The following PTPRN2 variants were observed in gnomAD, a reference collection of about 807,000 sequenced individuals.
PTPRN2 encodes receptor-type tyrosine-protein phosphatase N2.
PTPRN2 carries 74 observed loss-of-function variants against 118.8 expected under a neutral mutation model. The observed-to-expected ratio is 0.62, with a 90% CI of 0.52 to 0.76. The LOEUF (loss-of-function observed/expected upper bound fraction) is 0.76, where lower values mean the gene tolerates loss of function less well. Ranked by LOEUF, PTPRN2 falls within the 30% of genes least tolerant of loss-of-function variation. The pLI is 0.00. For synonymous variants in PTPRN2, 641 were observed against 608.0 expected (o/e 1.05, Z -0.80); for missense variants, 1,481 against 1,394.4 (o/e 1.06, Z -0.99).
intron 2 of PTPRN2, among the ~76,000 whole-genome samples, chr7:158,374,088 T>C (rs772632282): frequency 2.0e-5 from 3 of 152,174 alleles, no homozygotes; most frequent in Non-Finnish European, 4.4e-5. Flanking sequence ...AGCGGGCCCT[T>C]CTGACCCTCG....
At chr7:158,098,982 TCCCGGCTGCCTCCCCTTCCTCCC>T (rs1336076269) in intron 10 of PTPRN2, among the ~76,000 whole-genome samples, 1 of 34,664 alleles carries the variant, frequency 2.9e-5, no homozygotes, top group African/African-American at 8.0e-5. Flanking sequence ...GGGTTCCGCA[TCCCGGCTGCCTCCCCTTCCTCCC>T]CCAACACATC....
intron 3 of PTPRN2, among the ~76,000 whole-genome samples, chr7:158,212,090 T>A (rs142078424): frequency 6.6e-6 from 1 of 152,334 alleles, no homozygotes; most frequent in African/African-American, 2.4e-5. Context: ...AAAATCATTA[T>A]GTTAAGTGAA....
At chr7:157,668,280 T>G (rs78225407) in intron 13 of PTPRN2, among the ~76,000 whole-genome samples, 1,815 of 152,326 alleles carry the variant, frequency 0.012, 36 homozygotes, top group African/African-American at 0.042. Flanking sequence ...ACTCAGCATC[T>G]GATGGAGAAA....
At chr7:158,469,963 A>C (rs916519976) in intron 2 of PTPRN2, among the ~76,000 whole-genome samples, 7 of 151,888 alleles carry the variant, frequency 4.6e-5, no homozygotes, top group African/African-American at 7.3e-5. Context: ...GTCCTAGTGC[A>C]TCATAAAAGA....
intron 2 of PTPRN2, among the ~76,000 whole-genome samples, chr7:158,369,951 G>A (rs1809831302): frequency 6.6e-6 from 1 of 152,224 alleles, no homozygotes; most frequent in African/African-American, 2.4e-5. Flanking sequence ...GGACAGTGTG[G>A]TCTCAGCGGG....
intron 11 of PTPRN2, among the ~76,000 whole-genome samples, chr7:158,054,460 A>G (rs1809627093): frequency 6.6e-6 from 1 of 152,148 alleles, no homozygotes; most frequent in Non-Finnish European, 1.5e-5. Context: ...AAAAACACAC[A>G]TTTACCGGCT....
intron 5 of PTPRN2, among the ~76,000 whole-genome samples, chr7:158,182,587 T>A (rs986320839): frequency 1.3e-5 from 2 of 152,188 alleles, no homozygotes; most frequent in Non-Finnish European, 2.9e-5. Context: ...GATTTTCTGT[T>A]CCTGTGTTAG....
At position 157,576,784 on chromosome 7, in the gene PTPRN2, CAGGG is replaced by C. The variant is rs1181959796; in HGVS notation, c.2617-9_2617-6del. On this transcript the variant is annotated splice_region_variant and splice_polypyrimidine_tract_variant and intron_variant, in intron 18 of 22. Coordinates refer to ENST00000389418, the MANE Select transcript of PTPRN2 (RefSeq NM_002847.5). ...GTGCTCGGAGACCAGGTTCACCTGG[CAGGG>C]AGGAGCGGAGGGAGGGGACAGAGAC... is the stretch of plus-strand genomic sequence containing the variant. 6.3e-7 allele frequency: 1 copy of C among 1,593,702 alleles called. No individual in the cohort carries two copies. Among genetic ancestry groups the C allele is most frequent in the African/African-American group, 1.3e-5 (1 of 74,490 alleles).
chr7:157,759,702 C>T (rs890591032), intron 12 of PTPRN2, among the ~76,000 whole-genome samples: 2 of 152,210 alleles, frequency 1.3e-5, no homozygotes, highest in Admixed American at 6.5e-5. Flanking sequence ...GTTCTGGACT[C>T]ATGACTTTGA....
chr7:157,879,056 G>A (rs192668333), intron 12 of PTPRN2, among the ~76,000 whole-genome samples: 1 of 144,816 alleles, frequency 6.9e-6, no homozygotes, highest in East Asian at 2.1e-4. Context: ...ACTCACCGAG[G>A]AGCTCTCTCA....
At chr7:158,522,977 G>A (rs1266820857) in intron 1 of PTPRN2, among the ~76,000 whole-genome samples, 1 of 152,194 alleles carries the variant, frequency 6.6e-6, no homozygotes, top group Non-Finnish European at 1.5e-5. Flanking sequence ...ACCCAAAAAT[G>A]GGAATTTCAA....
intron 2 of PTPRN2, among the ~76,000 whole-genome samples, chr7:158,488,070 T>A (rs754983556): frequency 1.3e-5 from 2 of 152,092 alleles, no homozygotes; most frequent in Non-Finnish European, 2.9e-5. Context: ...CCGGCCTTTG[T>A]CAAGGAGCCG....
intron 11 of PTPRN2, among the ~76,000 whole-genome samples, chr7:158,019,686 G>A (rs1252536862): frequency 6.6e-6 from 1 of 152,248 alleles, no homozygotes; most frequent in East Asian, 1.9e-4. Context: ...AGTGTTCAGT[G>A]GAAGATGGTG....
At chr7:158,302,285 G>A (rs1800949504) in intron 3 of PTPRN2, among the ~76,000 whole-genome samples, 1 of 152,182 alleles carries the variant, frequency 6.6e-6, no homozygotes, top group African/African-American at 2.4e-5. Flanking sequence ...CAAGGGAACA[G>A]CCACTCCCTA....
At chr7:157,718,457 C>T (rs1316649688) in intron 12 of PTPRN2, among the ~76,000 whole-genome samples, 1 of 152,190 alleles carries the variant, frequency 6.6e-6, no homozygotes, top group East Asian at 1.9e-4. Context: ...TTGGAGAGCG[C>T]CTTCCTCCTC....
chr7:158,283,140 C>T (rs949824181), intron 3 of PTPRN2, among the ~76,000 whole-genome samples: 8 of 152,198 alleles, frequency 5.3e-5, no homozygotes, highest in African/African-American at 1.4e-4. Flanking sequence ...ACGCATTCGA[C>T]AACACGCATG....
chr7:157,549,156 G>T, intron 21 of PTPRN2, 137 bp from the exon 22 acceptor site: 1 of 781,900 alleles, frequency 1.3e-6, no homozygotes, highest in Non-Finnish European at 2.1e-6. Context: ...CAGCCGGCTG[G>T]CAGGCGGCTG....
intron 1 of PTPRN2, among the ~76,000 whole-genome samples, chr7:158,501,188 C>T (rs1822331908): frequency 6.6e-6 from 1 of 152,216 alleles, no homozygotes; most frequent in African/African-American, 2.4e-5. Context: ...AACCCACTTG[C>T]GGAGCCGCAG....
At chr7:158,069,846 G>A (rs564137604) in intron 11 of PTPRN2, among the ~76,000 whole-genome samples, 1 of 152,338 alleles carries the variant, frequency 6.6e-6, no homozygotes, top group African/African-American at 2.4e-5. Context: ...TTTACATTTT[G>A]CTCTCACATC....
Sources: allele counts gnomAD v4.1 joint callset (sites outside exome capture counted in the v4.1 genomes callset), GRCh38; gene constraint gnomAD v4.1.1; transcripts MANE v1.5; gene names NCBI Gene and HGNC (gene_info 2026-07-23, HGNC 2026-07-21).